The following TRIM24 variants were observed in gnomAD, a reference collection of about 807,000 sequenced individuals.
The protein encoded by TRIM24 is tripartite motif containing 24.
Under a neutral mutation model 123.9 loss-of-function variants are expected in TRIM24, and 29 were observed. That is an observed-to-expected ratio of 0.23 (90% CI 0.17 to 0.32). TRIM24 has a LOEUF of 0.32. Among genes scored for constraint, TRIM24 ranks in the 10% least tolerant of loss-of-function variants. The pLI, the probability that TRIM24 is intolerant of heterozygous loss-of-function variation, is 1.00. For synonymous variants in TRIM24, 456 were observed against 461.1 expected, an observed-to-expected ratio of 0.99 and a Z score of 0.14; for missense variants, 932 against 1,295.3, an observed-to-expected ratio of 0.72 and a Z score of 4.31.
chr7:138,516,434 C>T (rs1036267278), intron 3 of TRIM24, among the ~76,000 whole-genome samples: 14 of 152,222 alleles, frequency 9.2e-5, no homozygotes, highest in Non-Finnish European at 1.6e-4. Flanking sequence ...GGCACGATCT[C>T]AGCTCACTGC....
At chr7:138,561,170 G>A (rs113203495) in intron 9 of TRIM24, among the ~76,000 whole-genome samples, 2,775 of 152,250 alleles carry the variant, frequency 0.018, 70 homozygotes, top group African/African-American at 0.061. Context: ...TATTAGGTCT[G>A]CTTTTTGGGC....
intron 6 of TRIM24, among the ~76,000 whole-genome samples, chr7:138,531,974 A>G (rs1796757016): frequency 6.6e-6 from 1 of 152,130 alleles, no homozygotes; most frequent in African/African-American, 2.4e-5. Context: ...GCCAGTGATG[A>G]TGAGCAATTT....
intron 2 of TRIM24, among the ~76,000 whole-genome samples, chr7:138,504,973 C>T (rs7803989): frequency 4.6e-5 from 7 of 151,366 alleles, no homozygotes; most frequent in African/African-American, 1.7e-4. Flanking sequence ...GTTGGCCAGG[C>T]TGGTCTCGAA....
chr7:138,567,404 G>C, intron 9 of TRIM24, 77 bp from the exon 10 acceptor site: 1 of 1,362,360 alleles, frequency 7.3e-7, no homozygotes, highest in Non-Finnish European at 9.8e-7. Context: ...TTCTGTAAAA[G>C]TTTTATAAGA....
At chr7:138,521,351 G>C (rs565614464) in intron 4 of TRIM24, among the ~76,000 whole-genome samples, 16 of 152,288 alleles carry the variant, frequency 1.1e-4, no homozygotes, top group East Asian at 7.7e-4. Context: ...TGGAATTTAT[G>C]TTCTAAGGTC....
At chr7:138,478,543 C>T (rs1360749894) in intron 1 of TRIM24, among the ~76,000 whole-genome samples, 11 of 152,110 alleles carry the variant, frequency 7.2e-5, no homozygotes, top group Admixed American at 7.2e-4. Context: ...GTAGTGCAAA[C>T]ACAGCTTACT....
In TRIM24 at chr7:138,463,253, G is replaced by A. The variant is rs543742472; in HGVS notation, c.364+2341G>A. Among the ~76,000 whole-genome samples, 8 of 150,388 alleles carry A rather than the reference G, an allele frequency of 5.3e-5. No individual in the cohort carries two copies. The South Asian group carries it at 8.4e-4, about 16-fold the overall frequency. On this transcript the variant is annotated intron_variant, in intron 1 of 18. Coordinates refer to ENST00000343526, the MANE Select transcript of TRIM24 (RefSeq NM_015905.3). ...CCTTCCTTCCTTCCTTCTTTCCTGC[G>A]TTCTTACCTTCCTACCTTCTTACCT...
intron 4 of TRIM24, among the ~76,000 whole-genome samples, chr7:138,522,005 A>G (rs1796513043): frequency 6.6e-6 from 1 of 152,124 alleles, no homozygotes; most frequent in Non-Finnish European, 1.5e-5. Flanking sequence ...AGGTGCCTGT[A>G]AGTGCTAGCT....
chr7:138,515,446 T>C, intron 3 of TRIM24, 87 bp downstream of exon 3: 1 of 1,451,602 alleles, frequency 6.9e-7, no homozygotes, highest in Non-Finnish European at 9.4e-7. Flanking sequence ...GACACATTTG[T>C]TTTGATAAGT....
At chr7:138,517,637 G>A (rs1331116786) in intron 3 of TRIM24, among the ~76,000 whole-genome samples, 1 of 152,120 alleles carries the variant, frequency 6.6e-6, no homozygotes, top group East Asian at 1.9e-4. Flanking sequence ...GGCTCCCAAA[G>A]TGCTGGGATT....
At chr7:138,547,007 A>G (rs771764989) in intron 7 of TRIM24, among the ~76,000 whole-genome samples, 1 of 152,230 alleles carries the variant, frequency 6.6e-6, no homozygotes, top group Non-Finnish European at 1.5e-5. Flanking sequence ...AACATTATTC[A>G]CAATAACCAA....
intron 5 of TRIM24, among the ~76,000 whole-genome samples, chr7:138,528,314 A>G (rs1306058410): frequency 6.6e-6 from 1 of 152,170 alleles, no homozygotes; most frequent in African/African-American, 2.4e-5. Flanking sequence ...AGAAAAATAA[A>G]GAAAATTTGT....
intron 2 of TRIM24, among the ~76,000 whole-genome samples, chr7:138,505,236 CTT>C (rs1796126530): frequency 1.3e-5 from 2 of 151,954 alleles, no homozygotes; most frequent in African/African-American, 4.8e-5. Flanking sequence ...TCCAGAAGCT[CTT>C]GATTGCATAC....
At chr7:138,519,768 A>G (rs1209552204) in intron 4 of TRIM24, among the ~76,000 whole-genome samples, 1 of 152,128 alleles carries the variant, frequency 6.6e-6, no homozygotes, top group African/African-American at 2.4e-5. Context: ...TTTTTTGAGA[A>G]AACGGAAGCT....
intron 18 of TRIM24, 85 bp downstream of exon 18, chr7:138,584,084 C>T: frequency 2.1e-6 from 3 of 1,419,070 alleles, no homozygotes; most frequent in Non-Finnish European, 2.8e-6. Context: ...ACATAGGAGA[C>T]CAAGATGTCT....
chr7:138,494,596 A>G (rs1305048353), intron 1 of TRIM24, among the ~76,000 whole-genome samples: 2 of 152,246 alleles, frequency 1.3e-5, no homozygotes, highest in East Asian at 2.0e-4. Flanking sequence ...AAGATGGAAC[A>G]ACAACAAAAA....
intron 6 of TRIM24, among the ~76,000 whole-genome samples, chr7:138,533,075 C>G (rs1008691073): frequency 1.4e-4 from 22 of 152,334 alleles, no homozygotes; most frequent in Non-Finnish European, 2.8e-4. Flanking sequence ...TATCCTGAGA[C>G]TTTGCTGAAG....
rs1340997498 is a variant in TRIM24, at chr7:138,460,869, C to T, written c.321C>T (p.Ala107=). The change falls in exon 1 of 19, where the codon GCC becomes GCT. Residue 107 remains alanine, a synonymous_variant. Coordinates refer to ENST00000343526, the MANE Select transcript of TRIM24 (RefSeq NM_015905.3). ...CCGAGACCCCGCCACCCGTCCCTGC[C>T]CCCGGCTCGCCGGTCAGCGGCTCGT... ...GSAETPPPVP[A]PGSPVSGSSP... is the part of the protein sequence containing the mutation. 2 of 1,543,100 alleles carry T rather than the reference C, an allele frequency of 1.3e-6. No homozygotes were observed. Among genetic ancestry groups the T allele is most frequent in the South Asian group, 2.3e-5 (2 of 85,658 alleles).
At chr7:138,565,800 G>T (rs948343584) in intron 9 of TRIM24, among the ~76,000 whole-genome samples, 1 of 152,202 alleles carries the variant, frequency 6.6e-6, no homozygotes, top group South Asian at 2.1e-4. Flanking sequence ...TGAAATTCAT[G>T]GTGTAGGCAA....
Sources: gnomAD v4.1 joint callset for allele counts (sites outside exome capture counted in the v4.1 genomes callset) on GRCh38, gnomAD v4.1.1 for gene constraint, MANE v1.5 for transcripts, NCBI Gene and HGNC (gene_info 2026-07-23, HGNC 2026-07-21) for gene names.